The following TRAPPC12 variants were observed in gnomAD, a reference collection of about 807,000 sequenced individuals.
TRAPPC12 encodes TPR repeat protein 15.
TRAPPC12 carries 61 observed loss-of-function variants against 69.2 expected under a neutral mutation model. The ratio of observed to expected loss-of-function variants is 0.88; its 90% CI spans 0.72 to 1.09. The LOEUF (loss-of-function observed/expected upper bound fraction) is 1.09, where lower values mean the gene tolerates loss of function less well. TRAPPC12 is among the 50% of genes least tolerant of loss of function. The pLI is 0.00. For missense variants in TRAPPC12, 1,101 were observed against 1,016.4 expected, an observed-to-expected ratio of 1.08 and a Z score of -1.13; for synonymous variants, 469 against 438.9, an observed-to-expected ratio of 1.07 and a Z score of -0.86.
intron 2 of TRAPPC12, chr2:3,388,964 A>G (rs1034884152): frequency 1.2e-5 from 4 of 332,828 alleles, no homozygotes; most frequent in African/African-American, 2.1e-5. Flanking sequence ...TCCATTTGAC[A>G]TTTGAACTCC....
intron 6 of TRAPPC12, 82 bp from the exon 7 acceptor site, chr2:3,457,539 T>C: frequency 9.4e-7 from 1 of 1,069,204 alleles, no homozygotes; most frequent in African/African-American, 1.5e-5. Flanking sequence ...AGAAATTTGC[T>C]GTACTGAGAT....
At chr2:3,433,779 T>G (rs537063201) in intron 5 of TRAPPC12, among the ~76,000 whole-genome samples, 7 of 152,238 alleles carry the variant, frequency 4.6e-5, no homozygotes, top group Non-Finnish European at 1.0e-4. Flanking sequence ...TCTACAGTAT[T>G]TATACCAACC....
At chr2:3,457,055 T>C (rs1665191500) in intron 6 of TRAPPC12, 2 of 461,284 alleles carry the variant, frequency 4.3e-6, no homozygotes, top group African/African-American at 4.0e-5. Context: ...TTACAGTGTG[T>C]CCCTGTGGGC....
At chr2:3,451,595 C>T (rs1664853374) in intron 6 of TRAPPC12, among the ~76,000 whole-genome samples, 1 of 152,036 alleles carries the variant, frequency 6.6e-6, no homozygotes, top group Non-Finnish European at 1.5e-5. Context: ...ATGAACGTGG[C>T]TCACTGCAGC....
At chr2:3,470,439 ACT>A (rs893766387) in intron 9 of TRAPPC12, among the ~76,000 whole-genome samples, 2 of 152,032 alleles carry the variant, frequency 1.3e-5, no homozygotes, top group Admixed American at 6.5e-5. Context: ...TTCCTGCTGG[ACT>A]CTCTGCACTG....
At chr2:3,470,468 T>G (rs1666015402) in intron 9 of TRAPPC12, among the ~76,000 whole-genome samples, 1 of 152,238 alleles carries the variant, frequency 6.6e-6, no homozygotes, top group East Asian at 1.9e-4. Flanking sequence ...GATCACCCTC[T>G]CAGCTGATAG....
rs750481986 is a variant in TRAPPC12, at chr2:3,457,659, C to G, written c.1569C>G (p.Gly523=). The G allele has an allele frequency of 6.2e-7, 1 of 1,611,670 alleles. No individual in the cohort carries two copies. Among genetic ancestry groups the G allele is most frequent in the African/African-American group, 1.3e-5 (1 of 74,880 alleles). ...TGGAGCAAGGCTTAGCAGAAGACGG[C>G]GGCATGAGCAGCGTGACTCAGGAGG... is the stretch of plus-strand genomic sequence containing the variant. ...ANLEQGLAED[G]GMSSVTQEGR... is the part of the protein sequence containing the mutation. The change falls in exon 7 of 12, where the codon GGC becomes GGG. Residue 523 remains glycine (G), a synonymous_variant. Coordinates refer to ENST00000324266, the MANE Select transcript of TRAPPC12 (RefSeq NM_016030.6).
chr2:3,412,446 C>G (rs1406749542), intron 3 of TRAPPC12, among the ~76,000 whole-genome samples: 1 of 152,096 alleles, frequency 6.6e-6, no homozygotes, highest in Non-Finnish European at 1.5e-5. Context: ...CCTGTAATCC[C>G]AGTACTCAGG....
At chr2:3,428,264 A>G (rs1393627222) in intron 5 of TRAPPC12, among the ~76,000 whole-genome samples, 1 of 152,242 alleles carries the variant, frequency 6.6e-6, no homozygotes, top group Non-Finnish European at 1.5e-5. Context: ...TAAATTATGA[A>G]ATAGACATAA....
chr2:3,444,840 C>T (rs1289530583), intron 6 of TRAPPC12, among the ~76,000 whole-genome samples: 1 of 152,148 alleles, frequency 6.6e-6, no homozygotes, highest in Non-Finnish European at 1.5e-5. Flanking sequence ...GCTTTGTACC[C>T]ACTTCCATTT....
At chr2:3,456,054 C>T (rs1304813776) in intron 6 of TRAPPC12, 1 of 152,160 alleles carries the variant, frequency 6.6e-6, no homozygotes, top group Non-Finnish European at 1.5e-5. Context: ...TATGATCATT[C>T]ATTAGAAGGC....
At chr2:3,451,640 C>T (rs1664855054) in intron 6 of TRAPPC12, among the ~76,000 whole-genome samples, 1 of 152,036 alleles carries the variant, frequency 6.6e-6, no homozygotes, top group Admixed American at 6.6e-5. Context: ...TCTTCTGCCT[C>T]GCCCTCCTGA....
At chr2:3,401,389 T>A (rs1661434444) in intron 2 of TRAPPC12, among the ~76,000 whole-genome samples, 1 of 152,206 alleles carries the variant, frequency 6.6e-6, no homozygotes, top group Non-Finnish European at 1.5e-5. Flanking sequence ...TCCCCAGCAG[T>A]GTCACCTTCA....
intron 6 of TRAPPC12, among the ~76,000 whole-genome samples, chr2:3,450,195 G>A (rs1664778180): frequency 1.3e-5 from 2 of 152,166 alleles, no homozygotes; most frequent in African/African-American, 2.4e-5. Context: ...ATGTGAACTC[G>A]AAGGCCATAG....
intron 6 of TRAPPC12, chr2:3,456,873 A>G (rs1391828275): frequency 3.2e-6 from 1 of 312,076 alleles, no homozygotes; most frequent in Admixed American, 4.7e-5. Context: ...GCCACCGCTC[A>G]ATCCCAGAAG....
chr2:3,387,354 C>T (rs1341375445), intron 1 of TRAPPC12, among the ~76,000 whole-genome samples: 1 of 151,714 alleles, frequency 6.6e-6, no homozygotes. Context: ...GATGGGTATA[C>T]GGGGGAATGT....
At chr2:3,394,389 G>A (rs911920195) in intron 2 of TRAPPC12, among the ~76,000 whole-genome samples, 4 of 152,268 alleles carry the variant, frequency 2.6e-5, no homozygotes, top group East Asian at 3.9e-4. Flanking sequence ...TTGGGAGTCC[G>A]AGGTGGGTGG....
At chr2:3,470,144 A>G (rs1224912939) in intron 9 of TRAPPC12, among the ~76,000 whole-genome samples, 3 of 152,242 alleles carry the variant, frequency 2.0e-5, no homozygotes, top group Admixed American at 6.5e-5. Context: ...ACAAAGGCAG[A>G]GGGACCCACA....
rs1187467420 is a variant in TRAPPC12 at position 3,398,746 on chromosome 2, C to T, written c.1048-3031C>T. 2.0e-5 allele frequency among the ~76,000 whole-genome samples: 3 copies of T among 152,246 alleles called. No individual in the cohort carries two copies. In the East Asian group the frequency reaches 5.8e-4, roughly 29 times the overall value. ...GCCGTGAGAACAGCCACTTGCTCCT[C>T]CATAAATGCACCTGACCAGGAGAAT... On this transcript the variant is annotated intron_variant, in intron 2 of 11. Transcript: ENST00000324266.
Sources: gnomAD v4.1 joint callset for allele counts (sites outside exome capture counted in the v4.1 genomes callset) on GRCh38, gnomAD v4.1.1 for gene constraint, MANE v1.5 for transcripts, NCBI Gene and HGNC (gene_info 2026-07-23, HGNC 2026-07-21) for gene names.